NUBPL: variants seen among roughly 807,000 people sequenced by gnomAD.
NUBPL encodes iron-sulfur cluster transfer protein NUBPL.
A neutral mutation model predicts 45.7 loss-of-function variants in NUBPL; 31 were observed. The observed-to-expected ratio is 0.68, with a 90% CI of 0.51 to 0.92. The LOEUF (loss-of-function observed/expected upper bound fraction) is 0.92, where lower values mean the gene tolerates loss of function less well. Ranked by LOEUF, NUBPL falls within the 40% of genes least tolerant of loss-of-function variation. The pLI is 0.00. For missense variants in NUBPL, 401 were observed against 398.7 expected (o/e 1.01, Z -0.05); for synonymous variants, 144 against 140.9 (o/e 1.02, Z -0.15).
At chr14:31,783,363 T>A (rs1474741372) in intron 6 of NUBPL, among the ~76,000 whole-genome samples, 2 of 152,114 alleles carry the variant, frequency 1.3e-5, no homozygotes, top group Admixed American at 1.3e-4. Flanking sequence ...TTTGCTTGGT[T>A]TATCAGCAAG....
chr14:31,565,161 G>A, intron 3 of NUBPL, 113 bp downstream of exon 3: 1 of 615,230 alleles, frequency 1.6e-6, no homozygotes, highest in South Asian at 2.3e-5. Context: ...TAGTTGTAGT[G>A]AGTTGCATAT....
chr14:31,755,090 G>C (rs1391921649), intron 6 of NUBPL, among the ~76,000 whole-genome samples: 1 of 151,692 alleles, frequency 6.6e-6, no homozygotes, highest in Admixed American at 6.6e-5. Flanking sequence ...TCTTAATCCA[G>C]TCTATCATTG....
chr14:31,754,746 G>A (rs951730428), intron 6 of NUBPL, among the ~76,000 whole-genome samples: 2 of 150,964 alleles, frequency 1.3e-5, no homozygotes, highest in Admixed American at 6.6e-5. Flanking sequence ...TGTGCACAAT[G>A]TGCAGGTTAG....
At chr14:31,703,177 G>A (rs2037375679) in intron 6 of NUBPL, 1 of 152,296 alleles carries the variant, frequency 6.6e-6, no homozygotes, top group Admixed American at 6.5e-5. Context: ...GCATTTGGAA[G>A]AGAGCCAAGT....
At chr14:31,659,666 G>C (rs2036222620) in intron 4 of NUBPL, among the ~76,000 whole-genome samples, 1 of 152,136 alleles carries the variant, frequency 6.6e-6, no homozygotes, top group Non-Finnish European at 1.5e-5. Flanking sequence ...AGAATCTGAT[G>C]TATCACCCCT....
chr14:31,849,684 A>G (rs2040507587), intron 9 of NUBPL, among the ~76,000 whole-genome samples: 1 of 152,184 alleles, frequency 6.6e-6, no homozygotes, highest in Admixed American at 6.5e-5. Context: ...CCATTTGCCA[A>G]CATCAGGAAG....
rs571215687 is a variant in NUBPL at position 31,717,838 on chromosome 14, G to A, written c.513+44264G>A. Among the ~76,000 whole-genome samples the A allele has an allele frequency of 3.3e-5, 5 of 152,004 alleles. No homozygotes were observed. The East Asian group carries it at 9.7e-4, about 29-fold the overall frequency. ...CCGACTACTGAACCTGACAAGTTCT[G>A]ACATCTCTTCTCTTGGCTGCCTCTC... On this transcript the variant is annotated intron_variant, in intron 6 of 10. Coordinates refer to ENST00000281081, the MANE Select transcript of NUBPL (RefSeq NM_025152.3).
intron 6 of NUBPL, among the ~76,000 whole-genome samples, chr14:31,782,887 A>G (rs144363969): frequency 1.4e-3 from 219 of 152,364 alleles, no homozygotes; most frequent in African/African-American, 4.9e-3. Context: ...ATTATTAGAA[A>G]AACATGTTTT....
chr14:31,738,183 C>G (rs1297730214), intron 6 of NUBPL, among the ~76,000 whole-genome samples: 1 of 152,166 alleles, frequency 6.6e-6, no homozygotes, highest in African/African-American at 2.4e-5. Context: ...ATTACTTCAA[C>G]TTGTTTTACC....
At chr14:31,654,661 G>A (rs890491738) in intron 4 of NUBPL, among the ~76,000 whole-genome samples, 13 of 151,930 alleles carry the variant, frequency 8.6e-5, no homozygotes, top group African/African-American at 1.7e-4. Context: ...TACCCACCTC[G>A]GCCTCCCAAA....
chr14:31,821,686 A>G (rs762494794), intron 7 of NUBPL, among the ~76,000 whole-genome samples: 19 of 152,240 alleles, frequency 1.2e-4, no homozygotes, highest in African/African-American at 4.3e-4. Context: ...ATTGCTGGGT[A>G]TACACCCAAA....
At chr14:31,701,788 G>A (rs561606423) in intron 6 of NUBPL, among the ~76,000 whole-genome samples, 9 of 152,246 alleles carry the variant, frequency 5.9e-5, no homozygotes, top group African/African-American at 2.2e-4. Flanking sequence ...TCACTGCGAG[G>A]GTCCGCGGCT....
chr14:31,676,172 C>T (rs142309925), intron 6 of NUBPL, among the ~76,000 whole-genome samples: 9,702 of 152,048 alleles, frequency 0.064, 408 homozygotes, highest in Non-Finnish European at 0.091. Context: ...ACAAGGCATG[C>T]GCCACCACGC....
At chr14:31,792,176 A>G (rs1171177082) in intron 7 of NUBPL, among the ~76,000 whole-genome samples, 1 of 152,232 alleles carries the variant, frequency 6.6e-6, no homozygotes, top group Non-Finnish European at 1.5e-5. Flanking sequence ...TTCTGAGTTT[A>G]GCCCTAATCC....
intron 2 of NUBPL, 79 bp from the exon 3 acceptor site, chr14:31,564,935 C>T: frequency 2.6e-6 from 2 of 759,252 alleles, no homozygotes; most frequent in Non-Finnish European, 4.4e-6. Flanking sequence ...TTAAAAATTA[C>T]ATGAAAATAT....
At chr14:31,571,310 T>A (rs12588895) in intron 3 of NUBPL, among the ~76,000 whole-genome samples, 3,418 of 151,366 alleles carry the variant, frequency 0.023, 193 homozygotes, top group East Asian at 0.16. Context: ...CTTGTTCTGT[T>A]GTTTATGATC....
chr14:31,813,395 A>G lies in NUBPL; in HGVS notation c.608-13234A>G, dbSNP rs568923638. Among the ~76,000 whole-genome samples the G allele has an allele frequency of 7.2e-5, 11 of 152,142 alleles. No individual in the cohort carries two copies. The South Asian group carries it at 2.3e-3, about 32-fold the overall frequency. On this transcript the variant is annotated intron_variant, in intron 7 of 10. Coordinates refer to ENST00000281081, the MANE Select transcript of NUBPL (RefSeq NM_025152.3). ...CAGTATTTGTCACTAAACAGCAGATATGTATCCAGATTTCTTTGGCGAACT... is the reference window on the plus strand; with the variant it reads ...CAGTATTTGTCACTAAACAGCAGATGTGTATCCAGATTTCTTTGGCGAACT...
At chr14:31,591,049 C>G (rs1425138836) in intron 3 of NUBPL, among the ~76,000 whole-genome samples, 1 of 152,114 alleles carries the variant, frequency 6.6e-6, no homozygotes, top group African/African-American at 2.4e-5. Flanking sequence ...GAAAAACAAA[C>G]CCAGATTTGC....
At chr14:31,678,233 AAATG>A (rs2036747487) in intron 6 of NUBPL, among the ~76,000 whole-genome samples, 1 of 152,112 alleles carries the variant, frequency 6.6e-6, no homozygotes, top group Admixed American at 6.5e-5. Context: ...GCAGGTCCAG[AAATG>A]CCATCCAAGA....
Sources: allele counts gnomAD v4.1 joint callset (sites outside exome capture counted in the v4.1 genomes callset), GRCh38; gene constraint gnomAD v4.1.1; transcripts MANE v1.5; gene names NCBI Gene and HGNC (gene_info 2026-07-23, HGNC 2026-07-21).